The following ARAP1 variants were observed in gnomAD, a reference collection of about 807,000 sequenced individuals.
The protein encoded by ARAP1 is ArfGAP with RhoGAP domain, ankyrin repeat and PH domain 1, also known as arf-GAP with Rho-GAP domain, ANK repeat and PH domain-containing protein 1.
A neutral mutation model predicts 172.2 loss-of-function variants in ARAP1; 76 were observed. The ratio of observed to expected loss-of-function variants is 0.44; its 90% confidence interval spans 0.37 to 0.53. The LOEUF (loss-of-function observed/expected upper bound fraction) is 0.53. Among genes scored for constraint, ARAP1 ranks in the 20% least tolerant of loss-of-function variants. The pLI is 0.00. For synonymous variants in ARAP1, 804 were observed against 803.3 expected (o/e 1.00, Z -0.01); for missense variants, 1,686 against 1,977.5 (o/e 0.85, Z 2.80).
At position 72,703,005 on chromosome 11, in the gene ARAP1, G is replaced by A; in HGVS notation, c.2067C>T (p.Asn689=). 4 of 1,584,240 alleles carry A rather than the reference G, an allele frequency of 2.5e-6. No individual in the cohort carries two copies. The highest frequency in any genetic ancestry group is 3.4e-6 in the Non-Finnish European group (4 of 1,166,532). The part of the protein sequence containing the change: ...QALLGCGAGI[N]CFSGDPEAPT... ...GGGCCTCAGGGTCCCCCGAGAAGCA[G>A]TTGATCCCAGCCCCACAGCCCAGGA... The change falls in exon 15 of 35, where the codon AAC becomes AAT. Residue 689 remains asparagine, a synonymous_variant. Transcript: ENST00000393609.
At position 72,741,075 on chromosome 11, in the gene ARAP1, A is replaced by T. The variant is rs1201477857; in HGVS notation, c.-127-8478T>A. Among the ~76,000 whole-genome samples the T allele has an allele frequency of 6.6e-6, 1 of 151,824 alleles. No individual in the cohort carries two copies. The highest frequency in any genetic ancestry group is 1.5e-5 in the Non-Finnish European group (1 of 67,930). On this transcript the variant is annotated intron_variant, in intron 1 of 34. Transcript: ENST00000393609. This position sits in a 1 kb window ranked among gnomAD's most constrained non-coding sequence, Gnocchi z 4.5. ...TCACATACTATGCCCCTCTGGCCCCACCACATACCCCCGACCCCTAATGGG... is the reference window on the plus strand; with the variant it reads ...TCACATACTATGCCCCTCTGGCCCCTCCACATACCCCCGACCCCTAATGGG...
At chr11:72,692,641 G>T in intron 30 of ARAP1, 112 bp downstream of exon 30, 1 of 1,405,184 alleles carries the variant, frequency 7.1e-7, no homozygotes, top group Non-Finnish European at 1.0e-6. Context: ...AGGGGGCAGG[G>T]ATCCATGCCT....
At chr11:72,749,683 A>G (rs1483708873) in intron 1 of ARAP1, among the ~76,000 whole-genome samples, 3 of 151,984 alleles carry the variant, frequency 2.0e-5, no homozygotes, top group African/African-American at 7.2e-5. Flanking sequence ...GGAGATTGAG[A>G]CCATCCTGGC....
chr11:72,692,923 T>A, intron 29 of ARAP1, 138 bp from the exon 30 acceptor site: 1 of 1,136,176 alleles, frequency 8.8e-7, no homozygotes, highest in Non-Finnish European at 1.3e-6. Context: ...GAGTCTGGGT[T>A]GGGAGAACAC....
chr11:72,714,473 A>C (rs1857187571), intron 3 of ARAP1, 152 bp from the exon 4 acceptor site: 7 of 779,924 alleles, frequency 9.0e-6, no homozygotes, highest in African/African-American at 1.9e-5. Context: ...TCCTCAACTC[A>C]TCTCCCAGAC....
chr11:72,703,992 T>C lies in ARAP1; in HGVS notation c.1992+160A>G. 4 of 974,700 alleles carry C rather than the reference T, an allele frequency of 4.1e-6. 1 individual carries two copies. The highest frequency in any genetic ancestry group is 3.4e-5 in the South Asian group (2 of 59,386). The allele number at this position is 974,700 out of a possible 1,614,324, so 60.4% of individuals were successfully genotyped here. ...CCCTGCATGGCCAGAACTTTTCACA[T>C]GGCTTAGGCAGGGCCCTTCTGCCCT... is the stretch of plus-strand genomic sequence containing the variant. On this transcript the variant is annotated intron_variant, in intron 14 of 34. Transcript: ENST00000393609.
At position 72,686,061 on chromosome 11, in the gene ARAP1, A is replaced by G. The variant is rs1336085777; in HGVS notation, c.4316T>C (p.Phe1439Ser). The G allele has an allele frequency of 1.5e-5, 25 of 1,613,946 alleles. No individual in the cohort carries two copies. The highest frequency in any genetic ancestry group is 2.0e-5 in the Non-Finnish European group (24 of 1,180,040). ...ACTCACAGACAGAGGGTCCGCGGTG[A>G]AGGCAGCCACACTCCGGCGCATTTC... ...ENEMRRSVAA[F>S]TADPLSLLRN... The change falls in exon 34 of 35, where the codon TTC becomes TCC. Residue 1439 changes from phenylalanine (F) to serine (S), a missense_variant. Transcript: ENST00000393609.
Position 72,701,688 on chromosome 11 carries a change from A to G in ARAP1, c.2263T>C (p.Ser755Pro), listed in dbSNP as rs1443052201. The change falls in exon 16 of 35, where the codon TCT (serine) becomes CCT (proline). Residue 755 changes from serine (S) to proline (P), a missense_variant. By Grantham distance (74) the Ser-to-Pro change is moderately conservative (BLOSUM62 -1). This residue lies in a region of ARAP1 where 688 missense variants were observed against 856.9 expected (regional missense o/e 0.80). Transcript: ENST00000393609. ...CGGTCCTGTAGCAGCTTGCCGGCAGAGGCAGTCTTGTAGAGGAAGCCACTG... is the reference window on the plus strand; with the variant it reads ...CGGTCCTGTAGCAGCTTGCCGGCAGGGGCAGTCTTGTAGAGGAAGCCACTG... ...SHSGFLYKTA[S>P]AGKLLQDRRA... is the part of the protein sequence containing the mutation. 1.9e-6 allele frequency: 3 copies of G among 1,613,846 alleles called. No homozygotes were observed. The highest frequency in any genetic ancestry group is 2.5e-6 in the Non-Finnish European group (3 of 1,179,838).
At position 72,725,320 on chromosome 11, in the gene ARAP1, TTTTCTCTCTCTCTCTC is replaced by T. The variant is rs1321618931; in HGVS notation, c.509+1284_509+1299del. ...CCTCTCTCTCTCTCTCTCTCTCTCT[TTTTCTCTCTCTCTCTC>T]CCCCCCACAAGCTGATGGGGTTGAA... On this transcript the variant is annotated intron_variant, in intron 3 of 34. Coordinates refer to ENST00000393609, the MANE Select transcript of ARAP1 (RefSeq NM_001040118.3). This position sits in a 1 kb window ranked among gnomAD's most constrained non-coding sequence, Gnocchi z 4.3. 7.2e-6 allele frequency among the ~76,000 whole-genome samples: 1 copy of T among 139,036 alleles called. No homozygotes were observed. The highest frequency in any genetic ancestry group is 7.1e-5 in the Admixed American group (1 of 14,142). 91.2% of individuals were successfully genotyped at this position (139,036 alleles called of 152,430 possible).
At chr11:72,734,457 C>G (rs892493468) in intron 1 of ARAP1, among the ~76,000 whole-genome samples, 68 of 152,322 alleles carry the variant, frequency 4.5e-4, no homozygotes, top group African/African-American at 1.5e-3. Context: ...CTTTAAGTAG[C>G]TAGCACTTCA....
chr11:72,693,506 C>T lies in ARAP1; in HGVS notation c.3809-36G>A. ...GGACTGGAGTGGGCACAGGCTGCAC[C>T]AACCCCTACCCGGGGCTGGGTCCCA... On this transcript the variant is annotated intron_variant, in intron 28 of 34. Transcript: ENST00000393609. This position sits in a 1 kb window ranked among gnomAD's most constrained non-coding sequence, Gnocchi z 4.6. 6.3e-7 allele frequency: 1 copy of T among 1,595,836 alleles called. No individual in the cohort carries two copies. Among genetic ancestry groups the T allele is most frequent in the Non-Finnish European group, 8.6e-7 (1 of 1,168,098 alleles).
chr11:72,695,346 C>G lies in ARAP1; in HGVS notation c.3576+41G>C. The G allele has an allele frequency of 6.2e-7, 1 of 1,613,468 alleles. No individual in the cohort carries two copies. Among genetic ancestry groups the G allele is most frequent in the Non-Finnish European group, 8.5e-7 (1 of 1,179,628 alleles). On this transcript the variant is annotated intron_variant, in intron 26 of 34. Coordinates refer to ENST00000393609, the MANE Select transcript of ARAP1 (RefSeq NM_001040118.3). This position sits in a 1 kb window ranked among gnomAD's most constrained non-coding sequence, Gnocchi z 4.4. ...CATCTGAGCCTGTACCTGGCCCAGC[C>G]TGATTCTCTAGCCCCTTGGCTTCTA...
intron 15 of ARAP1, 77 bp downstream of exon 15, chr11:72,702,828 G>A: frequency 6.6e-7 from 1 of 1,505,618 alleles, no homozygotes; most frequent in Non-Finnish European, 8.9e-7. Flanking sequence ...TGCGATCACG[G>A]CCTGAGAGCA....
intron 27 of ARAP1, 64 bp downstream of exon 27, chr11:72,694,916 A>T: frequency 1.4e-6 from 2 of 1,446,186 alleles, no homozygotes; most frequent in Non-Finnish European, 9.6e-7. Context: ...GGGAGGACAG[A>T]CTGGGGCTAC....
At chr11:72,714,477 C>T (rs1003628744) in intron 3 of ARAP1, among the ~76,000 whole-genome samples, 156 bp from the exon 4 acceptor site, 2 of 152,148 alleles carry the variant, frequency 1.3e-5, no homozygotes, top group African/African-American at 4.8e-5. Context: ...CAACTCATCT[C>T]CCAGACCAAA....
intron 11 of ARAP1, among the ~76,000 whole-genome samples, chr11:72,708,002 G>A (rs1856844457): frequency 1.3e-5 from 2 of 152,086 alleles, no homozygotes; most frequent in African/African-American, 4.8e-5. Flanking sequence ...CCAACATACC[G>A]AGACACCTGT....
chr11:72,711,529 G>C, intron 7 of ARAP1, 30 bp from the exon 8 acceptor site: 1 of 1,589,074 alleles, frequency 6.3e-7, no homozygotes, highest in Non-Finnish European at 8.6e-7. Context: ...ACAAGCAAAT[G>C]ACCGGGGGTA....
At chr11:72,721,802 C>T (rs1218492471) in intron 3 of ARAP1, 10 of 986,104 alleles carry the variant, frequency 1.0e-5, no homozygotes, top group Non-Finnish European at 1.2e-5. Context: ...CAGGGCCTCC[C>T]TCCTACGTGC....
Position 72,725,946 on chromosome 11 carries a change from T to C in ARAP1, c.509+674A>G, listed in dbSNP as rs955276752. ...GGGGATGCTCCCTGACAGCCGGGCA[T>C]CCCAGCAGATGGCAGGAAGGGAGGG... On this transcript the variant is annotated intron_variant, in intron 3 of 34. Transcript: ENST00000393609. This position sits in a 1 kb window ranked among gnomAD's most constrained non-coding sequence, Gnocchi z 4.3. Among the ~76,000 whole-genome samples, 1 of 152,010 alleles carries C rather than the reference T, an allele frequency of 6.6e-6. No individual in the cohort carries two copies. The highest frequency in any genetic ancestry group is 6.5e-5 in the Admixed American group (1 of 15,268).
Sources: gnomAD v4.1 joint callset for allele counts (sites outside exome capture counted in the v4.1 genomes callset) on GRCh38, gnomAD v4.1.1 for gene constraint, gnomAD v4.1.1 regional missense constraint, Gnocchi (gnomAD v3.1) non-coding constraint, MANE v1.5 for transcripts, NCBI Gene and HGNC (gene_info 2026-07-23, HGNC 2026-07-21) for gene names.